Variants in NFE2L1 observed in about 807,000 individuals in gnomAD.
NFE2L1 encodes NFE2 like bZIP transcription factor 1.
A neutral mutation model predicts 61.6 loss-of-function variants in NFE2L1; 18 were observed. The observed-to-expected ratio is 0.29, with a 90% CI of 0.20 to 0.43. The LOEUF is 0.43. NFE2L1 is among the 20% of genes least tolerant of loss of function. The pLI, the probability that NFE2L1 is intolerant of heterozygous loss-of-function variation, is 1.00. For missense variants in NFE2L1, 827 were observed against 973.5 expected, an observed-to-expected ratio of 0.85 and a Z score of 2.00; for synonymous variants, 419 against 402.7, an observed-to-expected ratio of 1.04 and a Z score of -0.48.
Position 48,051,315 on chromosome 17 carries a change from G to T in NFE2L1, c.197G>T (p.Gly66Val), listed in dbSNP as rs752410220. 5 of 1,614,000 alleles carry T rather than the reference G, an allele frequency of 3.1e-6. No homozygotes were observed. In the African/African-American group the frequency reaches 5.3e-5, roughly 17 times the overall value. ...HNLRNTLDGY[G>V]IHPKSIDLDN... ...CTGAGGAATACCTTGGATGGCTATG[G>T]TATCCACCCCAAGAGCATAGACCTG... Residue 66 changes from glycine (G) to valine (V), a missense_variant, in exon 2 of 6, where the codon GGT (glycine) becomes GTT (valine). Around this residue, in one of 3 missense-constraint regions of NFE2L1, gnomAD observed 667 missense variants for 748.4 expected, o/e 0.89. Coordinates refer to ENST00000362042, the MANE Select transcript of NFE2L1 (RefSeq NM_003204.3).
chr17:48,055,645 C>T (rs988760004), intron 2 of NFE2L1, among the ~76,000 whole-genome samples: 5 of 152,026 alleles, frequency 3.3e-5, no homozygotes, highest in African/African-American at 9.7e-5. Flanking sequence ...GTGGGGTGCA[C>T]CCCTGGGGAT....
rs1233825000 is a variant in NFE2L1 at position 48,060,660 on chromosome 17, A to G, written c.*1019A>G. 3 of 152,692 alleles carry G rather than the reference A, an allele frequency of 2.0e-5. No individual in the cohort carries two copies. Among genetic ancestry groups the G allele is most frequent in the Admixed American group, 2.0e-4 (3 of 15,284 alleles). The allele number at this position is 152,692 out of a possible 1,614,324, so 9.5% of individuals were successfully genotyped here. On this transcript the variant is annotated 3_prime_UTR_variant, in exon 6 of 6. Transcript: ENST00000362042. ...CTGTGAGGCAGAGGAATGATGGAGAATCTAGTGTAGCAGCCTCCAGGCAGG... is the reference window on the plus strand; with the variant it reads ...CTGTGAGGCAGAGGAATGATGGAGAGTCTAGTGTAGCAGCCTCCAGGCAGG...
At chr17:48,057,867 C>T (rs979497363) in intron 5 of NFE2L1, among the ~76,000 whole-genome samples, 19 of 152,206 alleles carry the variant, frequency 1.2e-4, no homozygotes, top group African/African-American at 4.3e-4. Flanking sequence ...TTGGCCCTCA[C>T]AGTCATCTAG....
intron 1 of NFE2L1, chr17:48,049,057 TGTGA>T (rs2037169837): frequency 1.3e-5 from 2 of 151,612 alleles, no homozygotes; most frequent in East Asian, 3.9e-4. Flanking sequence ...AGAGAGGGAG[TGTGA>T]GTGTGTGTGT....
chr17:48,055,216 G>A (rs111671883), intron 2 of NFE2L1: 15,287 of 1,282,178 alleles, frequency 0.012, 102 homozygotes, highest in Middle Eastern at 0.016. Context: ...GGGGTTAATG[G>A]GAGAAGAATA....
In NFE2L1 at chr17:48,058,288, C is replaced by T. The variant is rs1242095312; in HGVS notation, c.973-7C>T. 4.5e-6 allele frequency: 7 copies of T among 1,559,338 alleles called. No homozygotes were observed. The highest frequency in any genetic ancestry group is 1.7e-4 in the Middle Eastern group (1 of 5,782). On this transcript the variant is annotated splice_region_variant and splice_polypyrimidine_tract_variant and intron_variant, in intron 5 of 5. Coordinates refer to ENST00000362042, the MANE Select transcript of NFE2L1 (RefSeq NM_003204.3). Reference sequence around the variant, plus strand: ...TAGTGAACAGTGGTGCTCTTCTCCCCTCCCAGGCCATGGAAGTGAACACAT... The same window carrying T: ...TAGTGAACAGTGGTGCTCTTCTCCCTTCCCAGGCCATGGAAGTGAACACAT...
At chr17:48,054,018 G>A (rs2037322946) in intron 2 of NFE2L1, among the ~76,000 whole-genome samples, 1 of 152,120 alleles carries the variant, frequency 6.6e-6, no homozygotes, top group Admixed American at 6.5e-5. Context: ...CTATTTTGGG[G>A]TGACAAAACT....
chr17:48,058,811 T>A lies in NFE2L1; in HGVS notation c.1489T>A (p.Ser497Thr), dbSNP rs150889689. The A allele has an allele frequency of 3.8e-5, 61 of 1,614,002 alleles. No homozygotes were observed. In the African/African-American group the frequency reaches 6.9e-4, roughly 18 times the overall value. Reference protein sequence around the residue: ...PSSLSSSEGSSSSSSSSSSSS... With the variant: ...PSSLSSSEGSTSSSSSSSSSS... ...TTCCCTAAGCAGCTCTGAAGGCAGTTCTTCCTCTTCTTCCTCCTCCTCTTC... is the reference window on the plus strand; with the variant it reads ...TTCCCTAAGCAGCTCTGAAGGCAGTACTTCCTCTTCTTCCTCCTCCTCTTC... Residue 497 changes from serine to threonine, a missense_variant, in exon 6 of 6, where the codon TCT becomes ACT. By Grantham distance (58) the Ser-to-Thr change is moderately conservative. Around this residue, in one of 3 missense-constraint regions of NFE2L1, gnomAD observed 667 missense variants for 748.4 expected, o/e 0.89. Transcript: ENST00000362042.
At position 48,058,508 on chromosome 17, in the gene NFE2L1, T is replaced by C; in HGVS notation, c.1186T>C (p.Leu396=). 1 of 1,613,212 alleles carries C rather than the reference T, an allele frequency of 6.2e-7. No individual in the cohort carries two copies. Among genetic ancestry groups the C allele is most frequent in the Non-Finnish European group, 8.5e-7 (1 of 1,179,470 alleles). ...PVASSSTLLP[L]APSNSTSLNS... Reference sequence around the variant, plus strand: ...GGCCAGTAGCTCCACGCTGCTCCCGTTGGCCCCCAGCAATTCTACCAGCCT... The same window carrying C: ...GGCCAGTAGCTCCACGCTGCTCCCGCTGGCCCCCAGCAATTCTACCAGCCT... Residue 396 remains leucine (L), a synonymous_variant, in exon 6 of 6, where the codon TTG becomes CTG. Transcript: ENST00000362042.
In NFE2L1 at chr17:48,050,226, C is replaced by A. The variant is rs140284997; in HGVS notation, c.-512-381C>A. Among the ~76,000 whole-genome samples the A allele has an allele frequency of 1.8e-3, 280 of 152,266 alleles. 1 individual carries two copies. The highest frequency in any genetic ancestry group is 6.6e-3 in the African/African-American group (276 of 41,558). ...AGGCACAGTGGCTCACGCCTGTGAT[C>A]CCAGCACTTTGGGGGGCCGAGGCGG... is the stretch of plus-strand genomic sequence containing the variant. On this transcript the variant is annotated intron_variant, in intron 1 of 5. Coordinates refer to ENST00000362042, the MANE Select transcript of NFE2L1 (RefSeq NM_003204.3).
At chr17:48,056,827 G>C (rs911960424) in intron 3 of NFE2L1, among the ~76,000 whole-genome samples, 4 of 152,218 alleles carry the variant, frequency 2.6e-5, no homozygotes, top group African/African-American at 9.7e-5. Context: ...GACAGTGCAA[G>C]GGAGGCAGAG....
In NFE2L1 at chr17:48,051,248, C is replaced by G. The variant is rs981548041; in HGVS notation, c.130C>G (p.Leu44Val). 3 of 1,614,050 alleles carry G rather than the reference C, an allele frequency of 1.9e-6. No individual in the cohort carries two copies. Among genetic ancestry groups the G allele is most frequent in the Non-Finnish European group, 2.5e-6 (3 of 1,180,042 alleles). The part of the protein sequence containing the change: ...SQLPPLREII[L>V]GPSSAYTQTQ... Reference sequence around the variant, plus strand: ...GCTTCCCCCACTCCGGGAGATCATCCTGGGGCCCAGTTCTGCCTATACTCA... The same window carrying G: ...GCTTCCCCCACTCCGGGAGATCATCGTGGGGCCCAGTTCTGCCTATACTCA... Residue 44 changes from leucine to valine, a missense_variant, in exon 2 of 6, where the codon CTG becomes GTG. Physicochemically the swap from Leu to Val is conservative, Grantham distance 32. This residue lies in a region of NFE2L1 where 667 missense variants were observed against 748.4 expected (regional missense o/e 0.89). Transcript: ENST00000362042.
chr17:48,051,898 A>G (rs1162389796), intron 2 of NFE2L1, among the ~76,000 whole-genome samples: 1 of 151,720 alleles, frequency 6.6e-6, no homozygotes, highest in Non-Finnish European at 1.5e-5. Flanking sequence ...TACTGCTTGG[A>G]TTTCAGCGTG....
rs2037523209 is a variant in NFE2L1, at chr17:48,060,235, C to G, written c.*594C>G. ...GGGGTGGGGAGGGACGGTGTTAACTCTTTCTGCTCCTTGCATTTTGACATC... is the reference window on the plus strand; with the variant it reads ...GGGGTGGGGAGGGACGGTGTTAACTGTTTCTGCTCCTTGCATTTTGACATC... On this transcript the variant is annotated 3_prime_UTR_variant, in exon 6 of 6. Coordinates refer to ENST00000362042, the MANE Select transcript of NFE2L1 (RefSeq NM_003204.3). 6.6e-6 allele frequency: 1 copy of G among 152,436 alleles called. No individual in the cohort carries two copies. The highest frequency in any genetic ancestry group is 6.5e-5 in the Admixed American group (1 of 15,272). 9.4% of individuals were successfully genotyped at this position (152,436 alleles called of 1,614,324 possible).
chr17:48,055,162 T>C, intron 2 of NFE2L1: 1 of 1,353,070 alleles, frequency 7.4e-7, no homozygotes, highest in South Asian at 1.7e-5. Context: ...TTGGTGTATG[T>C]GGGGAGACTA....
Position 48,059,723 on chromosome 17 carries a change from G to T in NFE2L1, c.*82G>T, listed in dbSNP as rs1192836632. 30 of 1,486,992 alleles carry T rather than the reference G, an allele frequency of 2.0e-5. No individual in the cohort carries two copies. Among genetic ancestry groups the T allele is most frequent in the Non-Finnish European group, 2.6e-5 (29 of 1,124,564 alleles). The allele number at this position is 1,486,992 out of a possible 1,614,324, so 92.1% of individuals were successfully genotyped here. A position where few individuals can be genotyped will look rare whatever the true frequency, so the allele number is the denominator to read the frequency against. ...ACCTGGACCTGGACCTGGACCTACAGCGGGGACTTAAATGCCTTCTTATCC... is the reference window on the plus strand; with the variant it reads ...ACCTGGACCTGGACCTGGACCTACATCGGGGACTTAAATGCCTTCTTATCC... On this transcript the variant is annotated 3_prime_UTR_variant, in exon 6 of 6. Coordinates refer to ENST00000362042, the MANE Select transcript of NFE2L1 (RefSeq NM_003204.3). This position sits in a 1 kb window ranked among gnomAD's most constrained non-coding sequence, Gnocchi z 6.1.
intron 2 of NFE2L1, among the ~76,000 whole-genome samples, 182 bp from the exon 3 acceptor site, chr17:48,056,204 C>T (rs184596519): frequency 6.6e-6 from 1 of 151,806 alleles, no homozygotes; most frequent in Non-Finnish European, 1.5e-5. Flanking sequence ...GGGATAGTGT[C>T]TGGAAGTAGA....
Position 48,058,913 on chromosome 17 carries a change from G to C in NFE2L1, c.1591G>C (p.Glu531Gln), listed in dbSNP as rs776675664. Residue 531 changes from glutamate to glutamine, a missense_variant, in exon 6 of 6, where the codon GAG becomes CAG. Glu to Gln is a conservative substitution (Grantham distance 29). Coordinates refer to ENST00000362042, the MANE Select transcript of NFE2L1 (RefSeq NM_003204.3). ...TGCGGTTGGCTACAGCTCTGACTCT[G>C]AGACCCTGGATCTGGAAGAGGCCGA... ...EGAVGYSSDS[E>Q]TLDLEEAEGA... The C allele has an allele frequency of 2.5e-6, 4 of 1,613,726 alleles. No homozygotes were observed. The highest frequency in any genetic ancestry group is 1.3e-5 in the African/African-American group (1 of 74,882).
chr17:48,056,176 C>CTTTTTTTT, intron 2 of NFE2L1: 7 of 620,402 alleles, frequency 1.1e-5, no homozygotes, highest in South Asian at 1.9e-5. Flanking sequence ...GCTAGTGGCT[C>CTTTTTTTT]TTTTTTTTTG....
Sources: allele counts gnomAD v4.1 joint callset (sites outside exome capture counted in the v4.1 genomes callset), GRCh38; gene constraint gnomAD v4.1.1; regional missense constraint gnomAD v4.1.1; non-coding constraint Gnocchi (gnomAD v3.1); transcripts MANE v1.5; gene names NCBI Gene and HGNC (gene_info 2026-07-23, HGNC 2026-07-21).